Variants in GLRA1 observed in about 807,000 individuals in gnomAD.
The protein encoded by GLRA1 is glycine receptor alpha 1, also known as glycine receptor subunit alpha-1.
In GLRA1, 37 loss-of-function variants were observed where a neutral mutation model predicts 48.3. The observed-to-expected ratio is 0.77, with a 90% CI of 0.59 to 1.01. The LOEUF is 1.01. Among genes scored for constraint, GLRA1 ranks in the 50% least tolerant of loss-of-function variants. The probability of loss-of-function intolerance (pLI) is 0.00; values close to 1 mark genes in which losing one functional copy is unlikely to be tolerated. For missense variants in GLRA1, 427 were observed against 571.0 expected (o/e 0.75, Z 2.57); for synonymous variants, 196 against 210.7 (o/e 0.93, Z 0.60).
At chr5:151,907,121 T>G (rs1754490857) in intron 1 of GLRA1, among the ~76,000 whole-genome samples, 1 of 152,278 alleles carries the variant, frequency 6.6e-6, no homozygotes, top group South Asian at 2.1e-4. Flanking sequence ...TTCTGGAAAG[T>G]TGCTTAACTT....
chr5:151,918,809 C>G (rs1201770261), intron 1 of GLRA1, among the ~76,000 whole-genome samples: 1 of 152,140 alleles, frequency 6.6e-6, no homozygotes, highest in Non-Finnish European at 1.5e-5. Context: ...ACCATCACTA[C>G]CACTGAGGCA....
chr5:151,902,818 G>T (rs922668356), intron 1 of GLRA1, among the ~76,000 whole-genome samples: 1 of 152,118 alleles, frequency 6.6e-6, no homozygotes, highest in Non-Finnish European at 1.5e-5. Flanking sequence ...GAGTTGGGGT[G>T]TAATTACCTC....
At chr5:151,823,022 C>G in intron 8 of GLRA1, 59 bp from the exon 9 acceptor site, 2 of 1,445,282 alleles carry the variant, frequency 1.4e-6, no homozygotes, top group Non-Finnish European at 1.9e-6. Context: ...GGCACCCTCC[C>G]TGCAAGGCAC....
chr5:151,863,136 C>A (rs1387315267), intron 3 of GLRA1, among the ~76,000 whole-genome samples: 1 of 152,220 alleles, frequency 6.6e-6, no homozygotes, highest in East Asian at 1.9e-4. Flanking sequence ...GGAGCGATGG[C>A]TCATGCCTGT....
intron 1 of GLRA1, among the ~76,000 whole-genome samples, chr5:151,896,774 G>C (rs1754236294): frequency 6.6e-6 from 1 of 152,032 alleles, no homozygotes. Flanking sequence ...TATTTAAAAG[G>C]AAACTATATT....
chr5:151,866,240 C>A (rs1753331574), intron 3 of GLRA1, among the ~76,000 whole-genome samples: 1 of 152,186 alleles, frequency 6.6e-6, no homozygotes. Context: ...GGTAACTGGG[C>A]AACTAGCTGC....
At chr5:151,874,848 G>A (rs1753585430) in intron 3 of GLRA1, among the ~76,000 whole-genome samples, 1 of 152,024 alleles carries the variant, frequency 6.6e-6, no homozygotes, top group Admixed American at 6.6e-5. Context: ...AGTTGTTGCA[G>A]GATTGGAAGT....
At chr5:151,920,783 C>T (rs576773210) in intron 1 of GLRA1, among the ~76,000 whole-genome samples, 15 of 152,286 alleles carry the variant, frequency 9.8e-5, no homozygotes, top group Admixed American at 8.5e-4. Flanking sequence ...TAGGCACGTT[C>T]TGCAGTGCCA....
At chr5:151,856,228 G>C in intron 5 of GLRA1, 73 bp downstream of exon 5, 1 of 961,514 alleles carries the variant, frequency 1.0e-6, no homozygotes, top group Non-Finnish European at 1.7e-6. Flanking sequence ...GAGCAGCTGT[G>C]TGGGAATTTC....
intron 3 of GLRA1, among the ~76,000 whole-genome samples, chr5:151,877,795 T>A (rs1313089542): frequency 6.6e-6 from 1 of 152,246 alleles, no homozygotes. Context: ...CTGCCATGAT[T>A]GTGAGGCCTC....
chr5:151,837,774 C>T (rs1342090724), intron 7 of GLRA1, among the ~76,000 whole-genome samples: 1 of 152,104 alleles, frequency 6.6e-6, no homozygotes, highest in Non-Finnish European at 1.5e-5. Context: ...AATACATGGA[C>T]ACAGGGCAGG....
intron 7 of GLRA1, among the ~76,000 whole-genome samples, chr5:151,837,418 T>C (rs1414617387): frequency 6.6e-6 from 1 of 152,192 alleles, no homozygotes; most frequent in African/African-American, 2.4e-5. Context: ...TCCTGAAGGA[T>C]CTAGAACTAG....
At chr5:151,859,380 C>T (rs543398935) in intron 4 of GLRA1, among the ~76,000 whole-genome samples, 207 of 152,288 alleles carry the variant, frequency 1.4e-3, no homozygotes, top group African/African-American at 4.5e-3. Context: ...TGGCCTTGAC[C>T]GTGAGCAACA....
intron 3 of GLRA1, among the ~76,000 whole-genome samples, chr5:151,861,763 G>T (rs1312562683): frequency 6.6e-6 from 1 of 152,132 alleles, no homozygotes; most frequent in African/African-American, 2.4e-5. Flanking sequence ...ACATACCACT[G>T]CTCAACGAAA....
At chr5:151,884,265 T>C (rs1166365554) in intron 3 of GLRA1, among the ~76,000 whole-genome samples, 2 of 151,816 alleles carry the variant, frequency 1.3e-5, no homozygotes, top group East Asian at 3.9e-4. Context: ...CCCATCTCTA[T>C]CAAAAATACA....
chr5:151,885,450 A>C (rs1424990952), intron 3 of GLRA1, among the ~76,000 whole-genome samples: 1 of 152,240 alleles, frequency 6.6e-6, no homozygotes. Flanking sequence ...GAAGGGACCC[A>C]TCCCAGCCTT....
chr5:151,849,039 A>ACTG lies in GLRA1; in HGVS notation c.912+2348_912+2350dup, dbSNP rs1216243243. The ACTG allele has an allele frequency of 5.7e-6, 3 of 530,678 alleles. No homozygotes were observed. In the African/African-American group the frequency reaches 5.8e-5, roughly 10 times the overall value. 32.9% of individuals were successfully genotyped at this position (530,678 alleles called of 1,614,324 possible). A position where few individuals can be genotyped will look rare whatever the true frequency, so the allele number is the denominator to read the frequency against. ...ACCCAGACTCTGGACAGTGAGCCCA[A>ACTG]CTGTGTGGAAGAGTTGCCTGAGTGG... is the stretch of plus-strand genomic sequence containing the variant. On this transcript the variant is annotated intron_variant, in intron 7 of 8. Coordinates refer to ENST00000274576, the MANE Select transcript of GLRA1 (RefSeq NM_000171.4).
At chr5:151,841,224 T>C (rs1053115472) in intron 7 of GLRA1, among the ~76,000 whole-genome samples, 1 of 151,866 alleles carries the variant, frequency 6.6e-6, no homozygotes, top group African/African-American at 2.4e-5. Context: ...CAAAAGAAAG[T>C]TGGAAAACTC....
chr5:151,893,315 T>A (rs1057030332), intron 1 of GLRA1, among the ~76,000 whole-genome samples: 20 of 146,656 alleles, frequency 1.4e-4, no homozygotes, highest in African/African-American at 4.1e-4. Flanking sequence ...TTTCTTTCTT[T>A]CTTTCTTTCT....
Sources: gnomAD v4.1 joint callset for allele counts (sites outside exome capture counted in the v4.1 genomes callset) on GRCh38, gnomAD v4.1.1 for gene constraint, MANE v1.5 for transcripts, NCBI Gene and HGNC (gene_info 2026-07-23, HGNC 2026-07-21) for gene names.